The following RADX variants were observed in gnomAD, a reference collection of about 807,000 sequenced individuals.
RADX encodes the protein RPA1 related single stranded DNA binding protein, X-linked.
A neutral mutation model predicts 61.6 loss-of-function variants in RADX; 36 were observed. The ratio of observed to expected loss-of-function variants is 0.58; its 90% CI spans 0.45 to 0.77. The LOEUF is 0.77. Among genes scored for constraint, RADX ranks in the 30% least tolerant of loss-of-function variants. The probability of loss-of-function intolerance (pLI) is 0.00; values close to 1 mark genes in which losing one functional copy is unlikely to be tolerated. For missense variants in RADX, 497 were observed against 651.1 expected, an observed-to-expected ratio of 0.76 and a Z score of 2.58; for synonymous variants, 272 against 237.9, an observed-to-expected ratio of 1.14 and a Z score of -1.32.
rs1928118247 is a variant in RADX, at chrX:106,662,167, A to G, written c.2131A>G (p.Met711Val). The change falls in exon 12 of 14, where the codon ATG becomes GTG. Residue 711 changes from methionine to valine, a missense_variant. This residue lies in a region of RADX where 267 missense variants were observed against 306.9 expected (regional missense o/e 0.87). Transcript: ENST00000372548. ...VYPESIPRKFMFEHRKFLSDQ... is the reference protein window; with the variant it reads ...VYPESIPRKFVFEHRKFLSDQ... ...TCCTGAAAGTATTCCACGGAAATTT[A>G]TGTTTGAACACAGAAAGTTTCTTAG... 5.8e-6 allele frequency: 7 copies of G among 1,210,817 alleles called. No homozygotes were observed. The South Asian group carries it at 8.8e-5, about 15-fold the overall frequency.
At chrX:106,668,513 A>T (rs1403259677) in intron 12 of RADX, among the ~76,000 whole-genome samples, 1 of 111,701 alleles carries the variant, frequency 9.0e-6, no homozygotes, top group African/African-American at 3.3e-5. Flanking sequence ...AATGCTATTC[A>T]TCCTTTAGTA....
chrX:106,658,898 T>A (rs1329541504), intron 11 of RADX, among the ~76,000 whole-genome samples: 1 of 111,054 alleles, frequency 9.0e-6, no homozygotes, highest in Non-Finnish European at 1.9e-5. Flanking sequence ...ATATACTTGC[T>A]AGCAAGAAGG....
intron 10 of RADX, among the ~76,000 whole-genome samples, chrX:106,645,831 C>T (rs1416202483): frequency 4.5e-5 from 5 of 111,152 alleles, no homozygotes; most frequent in Non-Finnish European, 9.5e-5. Flanking sequence ...GAAGATTTGT[C>T]CAGTGCTGAA....
intron 12 of RADX, among the ~76,000 whole-genome samples, chrX:106,665,553 C>T (rs1394751016): frequency 2.7e-5 from 3 of 110,041 alleles, no homozygotes; most frequent in South Asian, 4.0e-4. Flanking sequence ...CCCAACCCCC[C>T]GGTCATAGTT....
chrX:106,657,185 C>G (rs1327188968), intron 11 of RADX, among the ~76,000 whole-genome samples: 1 of 112,289 alleles, frequency 8.9e-6, no homozygotes, highest in Non-Finnish European at 1.9e-5. Flanking sequence ...ATGGAGATAG[C>G]TTCTTTCTTA....
chrX:106,670,407 A>G (rs1211887527), intron 13 of RADX, among the ~76,000 whole-genome samples: 1 of 110,451 alleles, frequency 9.1e-6, no homozygotes, highest in Non-Finnish European at 1.9e-5. Flanking sequence ...GATATAAAAT[A>G]CCAGTTCAGT....
intron 13 of RADX, among the ~76,000 whole-genome samples, chrX:106,671,882 G>T (rs1423325950): frequency 1.8e-5 from 2 of 111,418 alleles, no homozygotes; most frequent in Admixed American, 9.6e-5. Context: ...GCATATTAAA[G>T]AAATTAACCT....
intron 11 of RADX, among the ~76,000 whole-genome samples, chrX:106,649,833 T>G (rs1450429600): frequency 9.0e-6 from 1 of 111,451 alleles, no homozygotes; most frequent in Non-Finnish European, 1.9e-5. Context: ...ATGGTAAATC[T>G]GGCCGATTGA....
intron 1 of RADX, 92 bp downstream of exon 1, chrX:106,612,815 T>C (rs779588406): frequency 2.1e-6 from 2 of 942,709 alleles, no homozygotes; most frequent in African/African-American, 3.9e-5. Context: ...TGCTTTTGTA[T>C]TGTTAATTAC....
chrX:106,657,204 G>A (rs1467390322), intron 11 of RADX, among the ~76,000 whole-genome samples: 1 of 112,046 alleles, frequency 8.9e-6, no homozygotes, highest in Admixed American at 9.5e-5. Context: ...TAAACCTCAT[G>A]AACCAATCTC....
chrX:106,631,507 A>G (rs1355633696), intron 3 of RADX, among the ~76,000 whole-genome samples: 3 of 108,808 alleles, frequency 2.8e-5, no homozygotes, highest in African/African-American at 1.0e-4. Flanking sequence ...CAGGAGTTCA[A>G]GATCAGCCTG....
chrX:106,627,554 T>TA (rs1403734160), intron 3 of RADX, among the ~76,000 whole-genome samples: 2 of 111,159 alleles, frequency 1.8e-5, no homozygotes, highest in Non-Finnish European at 3.8e-5. Context: ...GATAGATCCC[T>TA]AAGACATTTC....
At chrX:106,648,413 T>A (rs1359896096) in intron 11 of RADX, 27 bp downstream of exon 11, 1 of 1,008,694 alleles carries the variant, frequency 9.9e-7, no homozygotes, top group Non-Finnish European at 1.4e-6. Flanking sequence ...TATTATTATT[T>A]ATGAAAACTT....
intron 10 of RADX, among the ~76,000 whole-genome samples, chrX:106,641,588 C>G (rs1409130518): frequency 9.0e-6 from 1 of 111,279 alleles, no homozygotes; most frequent in African/African-American, 3.3e-5. Flanking sequence ...CAAGCAACTC[C>G]AAAACCTAGC....
chrX:106,663,562 G>A (rs974821027), intron 12 of RADX, among the ~76,000 whole-genome samples: 8 of 111,669 alleles, frequency 7.2e-5, no homozygotes, highest in African/African-American at 2.6e-4. Flanking sequence ...TTTTGTAGCA[G>A]AATAAGGTGA....
chrX:106,660,061 A>G (rs1271480703), intron 11 of RADX, among the ~76,000 whole-genome samples: 4 of 111,889 alleles, frequency 3.6e-5, no homozygotes, highest in African/African-American at 1.3e-4. Flanking sequence ...AGATCATTGC[A>G]ATAGCTACTA....
intron 9 of RADX, chrX:106,640,314 A>C (rs1927476857): frequency 1.1e-5 from 3 of 282,819 alleles, no homozygotes; most frequent in Non-Finnish European, 1.8e-5. Flanking sequence ...TATGGAAATA[A>C]GTGTTTAATC....
At chrX:106,656,063 C>A (rs187746636) in intron 11 of RADX, among the ~76,000 whole-genome samples, 306 of 112,114 alleles carry the variant, frequency 2.7e-3, no homozygotes, top group African/African-American at 9.5e-3. Flanking sequence ...TCACTCCTTT[C>A]AAAAATTGAC....
At position 106,622,622 on chromosome X, in the gene RADX, G is replaced by A. The variant is rs775171238; in HGVS notation, c.644-29G>A. The A allele has an allele frequency of 7.7e-6, 8 of 1,038,566 alleles. No homozygotes were observed. The East Asian group carries it at 2.2e-4, about 28-fold the overall frequency. 85.6% of individuals were successfully genotyped at this position (1,038,566 alleles called of 1,213,427 possible). ...TGAAGTTACCATTACATGTTAAACA[G>A]GATTTCTTTCCTCTTTTTTATATTC... On this transcript the variant is annotated intron_variant, in intron 1 of 13. Coordinates refer to ENST00000372548, the MANE Select transcript of RADX (RefSeq NM_018015.6).
Sources: gnomAD v4.1 joint callset for allele counts (sites outside exome capture counted in the v4.1 genomes callset) on GRCh38, gnomAD v4.1.1 for gene constraint, gnomAD v4.1.1 regional missense constraint, MANE v1.5 for transcripts, NCBI Gene and HGNC (gene_info 2026-07-23, HGNC 2026-07-21) for gene names.